Variants in PLXNA2 observed in about 807,000 individuals in gnomAD.
PLXNA2 encodes the protein plexin A2.
In PLXNA2, 91 loss-of-function variants were observed where a neutral mutation model predicts 193.5. The ratio of observed to expected loss-of-function variants is 0.47; its 90% CI spans 0.40 to 0.56. The LOEUF is 0.56. Among genes scored for constraint, PLXNA2 ranks in the 20% least tolerant of loss-of-function variants. The pLI, the probability that PLXNA2 is intolerant of heterozygous loss-of-function variation, is 0.00. For missense variants in PLXNA2, 1,995 were observed against 2,503.2 expected, an observed-to-expected ratio of 0.80 and a Z score of 4.33; for synonymous variants, 997 against 1,027.3, an observed-to-expected ratio of 0.97 and a Z score of 0.56.
chr1:208,149,569 G>C (rs1668693934), intron 3 of PLXNA2, among the ~76,000 whole-genome samples: 3 of 151,828 alleles, frequency 2.0e-5, no homozygotes, highest in Admixed American at 6.6e-5. Context: ...GTGTGTATAA[G>C]TGTGGTGTGT....
chr1:208,167,072 A>T (rs1411100724), intron 3 of PLXNA2, among the ~76,000 whole-genome samples: 2 of 152,178 alleles, frequency 1.3e-5, no homozygotes, highest in South Asian at 2.1e-4. Flanking sequence ...GTTGCTGGGG[A>T]TAAGCATCAA....
At chr1:208,113,548 T>C (rs371606716) in intron 4 of PLXNA2, among the ~76,000 whole-genome samples, 16 of 141,248 alleles carry the variant, frequency 1.1e-4, no homozygotes, top group African/African-American at 3.4e-4. Flanking sequence ...CTCTCTCTCT[T>C]TTTTTTTTTT....
At chr1:208,148,419 T>A (rs775671101) in intron 3 of PLXNA2, among the ~76,000 whole-genome samples, 2 of 152,204 alleles carry the variant, frequency 1.3e-5, no homozygotes, top group Non-Finnish European at 2.9e-5. Context: ...TGGGATTTAA[T>A]CCCAAGGTTT....
rs775134978 is a variant in PLXNA2 at position 208,084,520 on chromosome 1, T to C, written c.2158A>G (p.Ile720Val). 3.8e-5 allele frequency: 61 copies of C among 1,614,086 alleles called. No individual in the cohort carries two copies. The highest frequency in any genetic ancestry group is 4.9e-5 in the Non-Finnish European group (58 of 1,180,038). The change falls in exon 10 of 32, where the codon ATC (isoleucine) becomes GTC (valine). Residue 720 changes from isoleucine to valine, a missense_variant. Physicochemically the swap from Ile to Val is conservative, Grantham distance 29. Coordinates refer to ENST00000367033, the MANE Select transcript of PLXNA2 (RefSeq NM_025179.4). ...ILIPVGEVKP[I>V]TLKARNLPQP... The stretch of plus-strand genomic sequence containing the variant: ...GGCAGATTTCGCGCCTTAAGGGTGA[T>C]TGGCTTTACCTCCCCGACTGGAATC...
chr1:208,062,988 G>A (rs919932488), intron 12 of PLXNA2, among the ~76,000 whole-genome samples: 1 of 152,172 alleles, frequency 6.6e-6, no homozygotes, highest in Non-Finnish European at 1.5e-5. Context: ...ATCAGCAGGA[G>A]ACAATTTGCT....
intron 13 of PLXNA2, among the ~76,000 whole-genome samples, chr1:208,057,396 T>C (rs892974280): frequency 1.3e-5 from 2 of 152,218 alleles, no homozygotes; most frequent in Non-Finnish European, 2.9e-5. Context: ...GCTCTGTATG[T>C]CTTTCAAGGA....
At chr1:208,184,366 G>A (rs1381557243) in intron 3 of PLXNA2, among the ~76,000 whole-genome samples, 7 of 151,956 alleles carry the variant, frequency 4.6e-5, no homozygotes, top group African/African-American at 1.7e-4. Context: ...TCAGGTGGTA[G>A]CTACAGCCAA....
chr1:208,034,150 TAATAATTCAGCC>T (rs1355368270), intron 27 of PLXNA2, among the ~76,000 whole-genome samples: 2 of 152,348 alleles, frequency 1.3e-5, no homozygotes, highest in African/African-American at 4.8e-5. Context: ...GGGGCACTCT[TAATAATTCAGCC>T]AGGACAACAA....
chr1:208,108,370 G>A (rs1667342767), intron 4 of PLXNA2, among the ~76,000 whole-genome samples: 1 of 152,168 alleles, frequency 6.6e-6, no homozygotes, highest in Non-Finnish European at 1.5e-5. Flanking sequence ...GGCCCTAAGA[G>A]TGAGTCATCC....
chr1:208,068,202 T>C (rs1259488542), intron 12 of PLXNA2, among the ~76,000 whole-genome samples: 2 of 152,118 alleles, frequency 1.3e-5, no homozygotes, highest in Non-Finnish European at 2.9e-5. Flanking sequence ...TCAATAAATA[T>C]CCCCAATTCT....
chr1:208,091,868 C>CAAAAA (rs10655053), intron 9 of PLXNA2, among the ~76,000 whole-genome samples: 2 of 130,988 alleles, frequency 1.5e-5, no homozygotes, highest in Non-Finnish European at 3.2e-5. Context: ...GACTTCATAT[C>CAAAAA]AAAAAAAAAA....
intron 6 of PLXNA2, among the ~76,000 whole-genome samples, chr1:208,097,462 T>C (rs1666936344): frequency 6.6e-6 from 1 of 152,204 alleles, no homozygotes; most frequent in Non-Finnish European, 1.5e-5. Context: ...AGCAGCTCCC[T>C]TGAAATGGAC....
chr1:208,060,540 C>A, intron 13 of PLXNA2, 146 bp downstream of exon 13: 1 of 712,074 alleles, frequency 1.4e-6, no homozygotes, highest in Non-Finnish European at 2.3e-6. Context: ...GAGGAGGGGG[C>A]CCTGGGGAGG....
At chr1:208,097,597 T>C (rs2102409742) in intron 6 of PLXNA2, among the ~76,000 whole-genome samples, 1 of 152,302 alleles carries the variant, frequency 6.6e-6, no homozygotes, top group Admixed American at 6.5e-5. Flanking sequence ...TTGAAGACCC[T>C]ACTTTTAACA....
intron 12 of PLXNA2, among the ~76,000 whole-genome samples, chr1:208,065,736 G>A (rs1158947796): frequency 6.6e-6 from 1 of 152,226 alleles, no homozygotes; most frequent in Non-Finnish European, 1.5e-5. Flanking sequence ...GCTTGGGCAG[G>A]GAGTAGTGAT....
chr1:208,051,186 G>A, intron 16 of PLXNA2, 70 bp downstream of exon 16: 1 of 1,593,760 alleles, frequency 6.3e-7, no homozygotes, highest in Non-Finnish European at 8.6e-7. Flanking sequence ...TCCCTCTCAT[G>A]AGCCAGACTT....
chr1:208,240,839 A>G (rs72741267), intron 1 of PLXNA2, among the ~76,000 whole-genome samples: 5,468 of 151,978 alleles, frequency 0.036, 128 homozygotes, highest in Non-Finnish European at 0.052. Flanking sequence ...ATTGTGCCTC[A>G]GTTCGTGTGT....
intron 12 of PLXNA2, among the ~76,000 whole-genome samples, chr1:208,068,511 C>T (rs1294032355): frequency 6.6e-6 from 1 of 152,222 alleles, no homozygotes. Context: ...AGCCTTTTCA[C>T]CGAAGATCTT....
At chr1:208,054,123 C>T (rs1665350040) in intron 14 of PLXNA2, among the ~76,000 whole-genome samples, 1 of 152,234 alleles carries the variant, frequency 6.6e-6, no homozygotes, top group Non-Finnish European at 1.5e-5. Flanking sequence ...TCCCCGCCCC[C>T]AGTCTAGGAT....
Sources: allele counts gnomAD v4.1 joint callset (sites outside exome capture counted in the v4.1 genomes callset), GRCh38; gene constraint gnomAD v4.1.1; transcripts MANE v1.5; gene names NCBI Gene and HGNC (gene_info 2026-07-23, HGNC 2026-07-21).